The following CREB3L1 variants were observed in gnomAD, a reference collection of about 807,000 sequenced individuals.
The protein encoded by CREB3L1 is cAMP responsive element binding protein 3 like 1.
A neutral mutation model predicts 54.5 loss-of-function variants in CREB3L1; 33 were observed. The observed-to-expected ratio is 0.61, with a 90% CI of 0.46 to 0.81. CREB3L1 has a LOEUF of 0.81. CREB3L1 is among the 30% of genes least tolerant of loss of function. The pLI is 0.00. For synonymous variants in CREB3L1, 284 were observed against 286.4 expected, an observed-to-expected ratio of 0.99 and a Z score of 0.08; for missense variants, 656 against 673.3, an observed-to-expected ratio of 0.97 and a Z score of 0.29.
intron 3 of CREB3L1, 67 bp from the exon 4 acceptor site, chr11:46,309,922 T>C (rs1213017689): frequency 4.6e-6 from 6 of 1,296,336 alleles, no homozygotes; most frequent in East Asian, 2.5e-5. Flanking sequence ...AGGGAGGAGG[T>C]GGGTAGATGG....
intron 5 of CREB3L1, among the ~76,000 whole-genome samples, chr11:46,311,489 G>A (rs964602762): frequency 2.6e-5 from 4 of 151,548 alleles, no homozygotes; most frequent in Admixed American, 6.6e-5. Context: ...ACTTGCCACC[G>A]TGTCTGGCTT....
In CREB3L1 at chr11:46,312,970, G is replaced by A. The variant is rs149378353; in HGVS notation, c.1031+51G>A. The A allele has an allele frequency of 6.4e-4, 886 of 1,392,910 alleles. 3 individuals are homozygous for A. In the African/African-American group the frequency reaches 0.012, roughly 18 times the overall value. The allele number at this position is 1,392,910 out of a possible 1,614,324, so 86.3% of individuals were successfully genotyped here. A position where few individuals can be genotyped will look rare whatever the true frequency, so the allele number is the denominator to read the frequency against. On this transcript the variant is annotated intron_variant, in intron 8 of 11. Transcript: ENST00000621158. The stretch of plus-strand genomic sequence containing the variant: ...CTGGCCCCCTGCCCCTCTGCAACCC[G>A]TGCCTGGCTCTGCATAGCTCTGGGA...
chr11:46,290,967 T>C (rs143899285), intron 1 of CREB3L1, among the ~76,000 whole-genome samples: 371 of 152,252 alleles, frequency 2.4e-3, no homozygotes, highest in African/African-American at 8.5e-3. Flanking sequence ...TGGGGGCCAC[T>C]TGGGGCTGAG....
In CREB3L1 at chr11:46,307,954, C is replaced by T. The variant is rs757305060; in HGVS notation, c.470C>T (p.Pro157Leu). 3.8e-6 allele frequency: 6 copies of T among 1,566,884 alleles called. No individual in the cohort carries two copies. Among genetic ancestry groups the T allele is most frequent in the Non-Finnish European group, 5.2e-6 (6 of 1,158,118 alleles). ...GCCGCGGCCGCCATGGCCACCACCC[C>T]GCTGCTGGGCCTCAGCCCCTTGTCC... ...MAAAAAMATT[P>L]LLGLSPLSRL... is the part of the protein sequence containing the mutation. Residue 157 changes from proline (P) to leucine (L), a missense_variant, in exon 3 of 12, where the codon CCG becomes CTG. By Grantham distance (98) the Pro-to-Leu change is moderately conservative. Coordinates refer to ENST00000621158, the MANE Select transcript of CREB3L1 (RefSeq NM_052854.4).
intron 8 of CREB3L1, chr11:46,315,727 C>T (rs974529833): frequency 5.7e-6 from 1 of 174,372 alleles, no homozygotes; most frequent in African/African-American, 2.4e-5. Context: ...GAGGCTAAGG[C>T]AGGAGAATCA....
intron 2 of CREB3L1, among the ~76,000 whole-genome samples, chr11:46,305,014 A>AG (rs1001381609): frequency 6.6e-6 from 1 of 152,174 alleles, no homozygotes; most frequent in Admixed American, 6.5e-5. Flanking sequence ...GGCTCCCAAC[A>AG]GGGTGCGGCC....
chr11:46,283,546 G>C (rs1490889739), intron 1 of CREB3L1, among the ~76,000 whole-genome samples: 3 of 152,094 alleles, frequency 2.0e-5, no homozygotes, highest in Admixed American at 6.6e-5. Context: ...AATTACTTTA[G>C]ACTGGGGCAA....
intron 1 of CREB3L1, among the ~76,000 whole-genome samples, chr11:46,290,188 G>C (rs1939109985): frequency 6.6e-6 from 1 of 152,158 alleles, no homozygotes; most frequent in African/African-American, 2.4e-5. Flanking sequence ...CTTGCAAAGG[G>C]ACAGGCTGTT....
In CREB3L1 at chr11:46,311,111, G is replaced by GC; in HGVS notation, c.681dup (p.Ser228LeufsTer46). ...ACGGCTCCCAGAGTCCCCGCTCTCT[G>GC]CCCCCCTCCAGCCCTGTCAGGCCCA... On this transcript the variant is annotated frameshift_variant, in exon 5 of 12. Coordinates refer to ENST00000621158, the MANE Select transcript of CREB3L1 (RefSeq NM_052854.4). LOFTEE classifies it high-confidence loss of function. 6.2e-7 allele frequency: 1 copy of GC among 1,607,530 alleles called. No homozygotes were observed.
intron 9 of CREB3L1, 28 bp downstream of exon 9, chr11:46,316,413 C>G: frequency 7.1e-7 from 1 of 1,404,286 alleles, no homozygotes; most frequent in Non-Finnish European, 9.9e-7. Flanking sequence ...CACCACAGAC[C>G]CACAGGAGGA....
chr11:46,294,928 C>T (rs903378503), intron 1 of CREB3L1, among the ~76,000 whole-genome samples: 1 of 152,090 alleles, frequency 6.6e-6, no homozygotes, highest in African/African-American at 2.4e-5. Context: ...TCCCATCTCT[C>T]CCTAGCTCTC....
intron 5 of CREB3L1, 67 bp from the exon 6 acceptor site, chr11:46,312,258 C>T: frequency 1.4e-6 from 2 of 1,389,114 alleles, no homozygotes; most frequent in Non-Finnish European, 2.0e-6. Flanking sequence ...ATAGATAGCA[C>T]ATGGCAGAGC....
At chr11:46,290,564 C>T (rs983480311) in intron 1 of CREB3L1, among the ~76,000 whole-genome samples, 2 of 148,376 alleles carry the variant, frequency 1.3e-5, no homozygotes, top group African/African-American at 2.6e-5. Flanking sequence ...ACTCTCTCCT[C>T]CCAGTTAGCT....
At chr11:46,320,684 A>G in intron 11 of CREB3L1, 26 bp from the exon 12 acceptor site, 4 of 1,606,178 alleles carry the variant, frequency 2.5e-6, no homozygotes, top group Non-Finnish European at 1.7e-6. Context: ...CTGGACAGTC[A>G]TCGCTGGCCT....
chr11:46,314,044 C>T (rs1024146424), intron 8 of CREB3L1, among the ~76,000 whole-genome samples: 3 of 152,136 alleles, frequency 2.0e-5, no homozygotes, highest in African/African-American at 7.2e-5. Flanking sequence ...CGAGACCAGC[C>T]TGGCCAACAT....
At chr11:46,297,380 G>A (rs1939228305) in intron 1 of CREB3L1, among the ~76,000 whole-genome samples, 1 of 152,232 alleles carries the variant, frequency 6.6e-6, no homozygotes, top group African/African-American at 2.4e-5. Context: ...TGGGTTCTAA[G>A]GCCCTGTCCC....
At chr11:46,319,609 A>G (rs1163890821) in intron 10 of CREB3L1, among the ~76,000 whole-genome samples, 4 of 152,026 alleles carry the variant, frequency 2.6e-5, no homozygotes, top group Admixed American at 2.6e-4. Flanking sequence ...CGGGTGCGGT[A>G]ACTCACTCCG....
At chr11:46,286,066 C>T (rs1939051796) in intron 1 of CREB3L1, among the ~76,000 whole-genome samples, 1 of 152,230 alleles carries the variant, frequency 6.6e-6, no homozygotes, top group Non-Finnish European at 1.5e-5. Context: ...GGGCCTTGGC[C>T]TCCTCATTTC....
intron 1 of CREB3L1, among the ~76,000 whole-genome samples, chr11:46,299,576 C>G (rs371891753): frequency 2.6e-5 from 4 of 152,222 alleles, no homozygotes; most frequent in Non-Finnish European, 5.9e-5. Context: ...AACTGACTCA[C>G]GCAGTTTAAG....
Sources: allele counts gnomAD v4.1 joint callset (sites outside exome capture counted in the v4.1 genomes callset), GRCh38; gene constraint gnomAD v4.1.1; transcripts MANE v1.5; gene names NCBI Gene and HGNC (gene_info 2026-07-23, HGNC 2026-07-21).